The following STPG2 variants were observed in gnomAD, a reference collection of about 807,000 sequenced individuals.
STPG2 encodes the protein sperm-tail PG-rich repeat-containing protein 2.
A neutral mutation model predicts 54.2 loss-of-function variants in STPG2; 56 were observed. That is an observed-to-expected ratio of 1.03 (90% CI 0.83 to 1.29). STPG2 has a LOEUF of 1.29. Ranked by LOEUF, STPG2 falls within the 50% of genes most tolerant of loss-of-function variation. STPG2 has a pLI of 0.00. For missense variants in STPG2, 596 were observed against 544.9 expected, an observed-to-expected ratio of 1.09 and a Z score of -0.93; for synonymous variants, 200 against 181.8, an observed-to-expected ratio of 1.10 and a Z score of -0.81.
chr4:97,973,490 G>A (rs952108503), intron 6 of STPG2, among the ~76,000 whole-genome samples: 6 of 152,184 alleles, frequency 3.9e-5, no homozygotes, highest in African/African-American at 9.7e-5. Flanking sequence ...ATTTTCTGAG[G>A]AGAAATTCAA....
chr4:98,086,666 G>GAAAAAAAAAAAAA (rs35225418), intron 5 of STPG2, among the ~76,000 whole-genome samples: 1 of 94,926 alleles, frequency 1.1e-5, no homozygotes, highest in African/African-American at 4.1e-5. Context: ...ATGCATGCCA[G>GAAAAAAAAAAAAA]AAAAAAAAAA....
chr4:97,927,057 G>A (rs887333315), intron 8 of STPG2, among the ~76,000 whole-genome samples: 4 of 152,132 alleles, frequency 2.6e-5, no homozygotes, highest in African/African-American at 7.2e-5. Flanking sequence ...CAACTAGGCA[G>A]TGGAGCTGAG....
chr4:98,008,323 G>C (rs1172449206), intron 5 of STPG2, among the ~76,000 whole-genome samples: 3 of 151,740 alleles, frequency 2.0e-5, no homozygotes, highest in Non-Finnish European at 4.4e-5. Context: ...AAGCTATCAA[G>C]CATAAATTTT....
At chr4:98,095,203 T>C (rs1373438566) in intron 5 of STPG2, among the ~76,000 whole-genome samples, 6 of 152,048 alleles carry the variant, frequency 3.9e-5, no homozygotes, top group South Asian at 2.1e-4. Context: ...TATTAAAGCA[T>C]TCCACCAAAG....
At chr4:97,491,696 A>G (rs1013184028) in intron 4 of STPG2, among the ~76,000 whole-genome samples, 9 of 151,720 alleles carry the variant, frequency 5.9e-5, no homozygotes, top group Admixed American at 1.3e-4. Flanking sequence ...ACTTACAGCT[A>G]AAGAGTGGTG....
At chr4:97,954,109 A>T (rs1327033606) in intron 7 of STPG2, among the ~76,000 whole-genome samples, 2 of 152,242 alleles carry the variant, frequency 1.3e-5, no homozygotes, top group African/African-American at 4.8e-5. Context: ...TTACCAAGAA[A>T]TTAATTACTT....
rs572227704 is a variant in STPG2, at chr4:97,559,734, G to C, written c.1321-617C>G. Among the ~76,000 whole-genome samples the C allele has an allele frequency of 1.6e-4, 24 of 152,056 alleles. No individual in the cohort carries two copies. The South Asian group carries it at 4.8e-3, about 30-fold the overall frequency. ...TCTCTCTTTTCTACTCTGGAGTTTT[G>C]ACCAATTCAGTTTCAGCTCCTGCCT... On this transcript the variant is annotated intron_variant, in intron 10 of 10. Transcript: ENST00000295268.
At chr4:97,569,639 G>T (rs568822268) in intron 10 of STPG2, among the ~76,000 whole-genome samples, 2 of 152,192 alleles carry the variant, frequency 1.3e-5, no homozygotes, top group East Asian at 3.9e-4. Flanking sequence ...AGAAGGGAGG[G>T]CTCTTCTTTA....
chr4:98,067,473 T>TTA (rs1166575406), intron 5 of STPG2, among the ~76,000 whole-genome samples: 3 of 152,094 alleles, frequency 2.0e-5, no homozygotes, highest in African/African-American at 7.2e-5. Flanking sequence ...TTGCTGATTA[T>TTA]TATACAGCCA....
At chr4:97,908,685 A>G (rs1471301016) in intron 8 of STPG2, among the ~76,000 whole-genome samples, 5 of 151,944 alleles carry the variant, frequency 3.3e-5, no homozygotes, top group Admixed American at 3.3e-4. Flanking sequence ...CTATGCAGCC[A>G]TAAAAAATGA....
At chr4:98,032,388 C>G (rs777950423) in intron 5 of STPG2, among the ~76,000 whole-genome samples, 1 of 152,062 alleles carries the variant, frequency 6.6e-6, no homozygotes, top group Non-Finnish European at 1.5e-5. Flanking sequence ...CAAACACCAC[C>G]TGTAACCCAA....
chr4:97,615,565 A>G (rs1365849570), intron 10 of STPG2, among the ~76,000 whole-genome samples: 1 of 152,034 alleles, frequency 6.6e-6, no homozygotes, highest in African/African-American at 2.4e-5. Flanking sequence ...GAGGATGACT[A>G]CTGCATCTGG....
chr4:97,516,348 C>A (rs1163449591), intron 4 of STPG2, among the ~76,000 whole-genome samples: 1 of 152,074 alleles, frequency 6.6e-6, no homozygotes, highest in Non-Finnish European at 1.5e-5. Context: ...CTAACCCATT[C>A]ATTTTAAGTG....
At chr4:97,462,061 A>G (rs1729677735) in intron 4 of STPG2, among the ~76,000 whole-genome samples, 1 of 151,860 alleles carries the variant, frequency 6.6e-6, no homozygotes. Context: ...CTTCTTTTCT[A>G]GAATCTTGAT....
intron 4 of STPG2, among the ~76,000 whole-genome samples, chr4:97,542,154 A>G (rs943068770): frequency 2.0e-5 from 3 of 152,000 alleles, no homozygotes; most frequent in Non-Finnish European, 4.4e-5. Flanking sequence ...TTCTGCACTC[A>G]AAAAAACTAC....
intron 10 of STPG2, 47 bp downstream of exon 10, chr4:97,712,652 A>G: frequency 7.6e-7 from 1 of 1,321,624 alleles, no homozygotes; most frequent in Non-Finnish European, 1.0e-6. Context: ...CTTTCTGGAA[A>G]TTAATTCTAT....
At position 98,056,324 on chromosome 4, in the gene STPG2, C is replaced by T. The variant is rs543929171; in HGVS notation, c.612+49629G>A. 2.4e-4 allele frequency among the ~76,000 whole-genome samples: 37 copies of T among 152,250 alleles called. No homozygotes were observed. The South Asian group carries it at 7.5e-3, about 31-fold the overall frequency. On this transcript the variant is annotated intron_variant, in intron 5 of 10. Coordinates refer to ENST00000295268, the MANE Select transcript of STPG2 (RefSeq NM_174952.3). ...CAACACCACCTCCAGTGCAACAGCA[C>T]ACAGTCTCCAGCAGAGGCCCCCTGC...
chr4:97,542,684 G>A (rs1314848836), intron 4 of STPG2, among the ~76,000 whole-genome samples: 2 of 152,050 alleles, frequency 1.3e-5, no homozygotes. Flanking sequence ...TGTTTATTGT[G>A]GCACTACTCA....
intron 10 of STPG2, among the ~76,000 whole-genome samples, chr4:97,589,238 C>CA (rs895833900): frequency 1.2e-3 from 170 of 144,028 alleles, no homozygotes; most frequent in South Asian, 7.4e-3. Flanking sequence ...ATAAAATCAC[C>CA]AAAAAAAAAA....
Sources: gnomAD v4.1 joint callset for allele counts (sites outside exome capture counted in the v4.1 genomes callset) on GRCh38, gnomAD v4.1.1 for gene constraint, MANE v1.5 for transcripts, NCBI Gene and HGNC (gene_info 2026-07-23, HGNC 2026-07-21) for gene names.